The following UBR3 variants were observed in gnomAD, a reference collection of about 807,000 sequenced individuals.
The protein encoded by UBR3 is ubiquitin protein ligase E3 component n-recognin 3, also known as E3 ubiquitin-protein ligase UBR3.
In UBR3, 85 loss-of-function variants were observed where a neutral mutation model predicts 243.2. The observed-to-expected ratio is 0.35, with a 90% CI of 0.29 to 0.42. The LOEUF (loss-of-function observed/expected upper bound fraction) is 0.42, where lower values mean the gene tolerates loss of function less well. Ranked by LOEUF, UBR3 falls within the 10% of genes least tolerant of loss-of-function variation. The pLI is 1.00. For missense variants in UBR3, 1,686 were observed against 2,300.8 expected, an observed-to-expected ratio of 0.73 and a Z score of 5.47; for synonymous variants, 748 against 799.8, an observed-to-expected ratio of 0.94 and a Z score of 1.09.
intron 25 of UBR3, among the ~76,000 whole-genome samples, chr2:169,990,272 GAT>G (rs1448212851): frequency 2.0e-5 from 3 of 152,118 alleles, no homozygotes; most frequent in African/African-American, 7.2e-5. Flanking sequence ...TACATGGAAA[GAT>G]ATTAATTTAT....
chr2:170,018,853 T>C (rs2090315497), intron 30 of UBR3, among the ~76,000 whole-genome samples: 1 of 152,190 alleles, frequency 6.6e-6, no homozygotes, highest in Non-Finnish European at 1.5e-5. Flanking sequence ...AATTTCTTCA[T>C]TAAAGTGATT....
chr2:170,059,480 A>C (rs910157096), intron 33 of UBR3, among the ~76,000 whole-genome samples: 2 of 152,214 alleles, frequency 1.3e-5, no homozygotes. Flanking sequence ...CTACAAATCT[A>C]TGGTAGTGTT....
chr2:170,034,138 G>A (rs938789870), intron 31 of UBR3, among the ~76,000 whole-genome samples: 1 of 151,580 alleles, frequency 6.6e-6, no homozygotes, highest in African/African-American at 2.4e-5. Flanking sequence ...TCCACCACCA[G>A]TGTGGTACAT....
At chr2:169,836,020 TC>T (rs1558998384) in intron 1 of UBR3, among the ~76,000 whole-genome samples, 10 of 27,974 alleles carry the variant, frequency 3.6e-4, no homozygotes, top group African/African-American at 1.0e-3. Flanking sequence ...TCTCTCTCTC[TC>T]TCTCTCTCTC....
intron 31 of UBR3, among the ~76,000 whole-genome samples, chr2:170,033,592 CCCCA>C (rs2090742565): frequency 9.1e-6 from 1 of 109,890 alleles, no homozygotes; most frequent in Non-Finnish European, 1.9e-5. Flanking sequence ...CCCCCCCCCC[CCCCA>C]ATATTTGCTC....
chr2:169,870,191 T>C (rs1046284095), intron 1 of UBR3, among the ~76,000 whole-genome samples: 1 of 152,252 alleles, frequency 6.6e-6, no homozygotes, highest in Non-Finnish European at 1.5e-5. Flanking sequence ...GTAAATTTTG[T>C]TCTAAAGTAG....
intron 32 of UBR3, among the ~76,000 whole-genome samples, chr2:170,051,995 C>G (rs1292908948): frequency 6.6e-6 from 1 of 151,996 alleles, no homozygotes; most frequent in Non-Finnish European, 1.5e-5. Context: ...TGATGATTCC[C>G]AAATCTCTAG....
At chr2:169,904,866 A>G (rs4668182) in intron 8 of UBR3, among the ~76,000 whole-genome samples, 150,091 of 152,258 alleles carry the variant, frequency 0.99, 74,002 homozygotes, top group East Asian at 1. Context: ...CTATAATGAT[A>G]TACTAAGTAC....
chr2:170,077,670 C>G (rs981279707), intron 36 of UBR3: 5 of 396,322 alleles, frequency 1.3e-5, no homozygotes, highest in Non-Finnish European at 2.3e-5. Context: ...ACTGCAACCT[C>G]AGCCTCCTGG....
chr2:170,075,826 A>AT (rs1489953406), intron 36 of UBR3, among the ~76,000 whole-genome samples: 6 of 151,852 alleles, frequency 4.0e-5, no homozygotes, highest in Non-Finnish European at 5.9e-5. Context: ...CTACTTCTGA[A>AT]TTTTTTTATC....
chr2:169,896,538 A>G lies in UBR3; in HGVS notation c.1268A>G (p.Tyr423Cys). ...TTTACAAAAACTTTTGTTCAGCATT[A>G]TGCTTTCATTATGAAAACACTGAAG... ...VAFTKTFVQH[Y>C]AFIMKTLKKS... The change falls in exon 8 of 39, where the codon TAT (tyrosine) becomes TGT (cysteine). Residue 423 changes from tyrosine (Y) to cysteine (C), a missense_variant. Physicochemically the swap from Tyr to Cys is radical, Grantham distance 194. This residue lies in a region of UBR3 where 346 missense variants were observed against 585.8 expected (regional missense o/e 0.59). Coordinates refer to ENST00000272793, the MANE Select transcript of UBR3 (RefSeq NM_172070.4). 1 of 1,547,870 alleles carries G rather than the reference A, an allele frequency of 6.5e-7. No individual in the cohort carries two copies. The highest frequency in any genetic ancestry group is 8.7e-7 in the Non-Finnish European group (1 of 1,144,594).
chr2:169,943,341 G>A (rs541187690), intron 20 of UBR3, among the ~76,000 whole-genome samples: 4 of 152,148 alleles, frequency 2.6e-5, no homozygotes, highest in African/African-American at 9.7e-5. Flanking sequence ...GGTGGCTCAC[G>A]CCTGTAATCC....
intron 1 of UBR3, among the ~76,000 whole-genome samples, chr2:169,829,233 A>G (rs923478412): frequency 4.6e-5 from 7 of 152,070 alleles, no homozygotes; most frequent in African/African-American, 1.7e-4. Flanking sequence ...TTAAAAATGA[A>G]TGAAACATTG....
At chr2:170,029,562 G>A (rs1305220411) in intron 31 of UBR3, 114 bp downstream of exon 31, 2 of 770,964 alleles carry the variant, frequency 2.6e-6, no homozygotes, top group African/African-American at 3.6e-5. Context: ...TTTTCTTTAT[G>A]AAGCACAGAA....
chr2:169,891,085 A>G (rs1220638728), intron 5 of UBR3, 80 bp from the exon 6 acceptor site: 1 of 1,049,540 alleles, frequency 9.5e-7, no homozygotes, highest in East Asian at 2.6e-5. Context: ...TATGTGTTTA[A>G]TGTAATTTGT....
At chr2:169,852,849 T>TAA (rs1207099096) in intron 1 of UBR3, among the ~76,000 whole-genome samples, 1 of 22,272 alleles carries the variant, frequency 4.5e-5, no homozygotes, top group Non-Finnish European at 6.5e-5. Context: ...AGACTTCATC[T>TAA]CAAAAAAAAA....
intron 2 of UBR3, among the ~76,000 whole-genome samples, chr2:169,874,209 C>A (rs1223393385): frequency 6.6e-6 from 1 of 151,136 alleles, no homozygotes; most frequent in Non-Finnish European, 1.5e-5. Context: ...GCTCTTATTG[C>A]CCAGGCTGGA....
chr2:169,891,525 GT>G (rs2084374387), intron 6 of UBR3, among the ~76,000 whole-genome samples: 1 of 151,778 alleles, frequency 6.6e-6, no homozygotes, highest in Admixed American at 6.6e-5. Context: ...TGAATTTGTA[GT>G]TTGGCCTAGT....
At chr2:169,870,124 A>G (rs1216754957) in intron 1 of UBR3, among the ~76,000 whole-genome samples, 1 of 152,188 alleles carries the variant, frequency 6.6e-6, no homozygotes. Context: ...ATTCCAGAAT[A>G]TATTTCGTAT....
Sources: gnomAD v4.1 joint callset for allele counts (sites outside exome capture counted in the v4.1 genomes callset) on GRCh38, gnomAD v4.1.1 for gene constraint, gnomAD v4.1.1 regional missense constraint, MANE v1.5 for transcripts, NCBI Gene and HGNC (gene_info 2026-07-23, HGNC 2026-07-21) for gene names.